SCFD2: variants seen among roughly 807,000 people sequenced by gnomAD.
The protein encoded by SCFD2 is sec1 family domain-containing protein 2.
A neutral mutation model predicts 58.9 loss-of-function variants in SCFD2; 54 were observed. That is an observed-to-expected ratio of 0.92 (90% confidence interval 0.74 to 1.15). The LOEUF (loss-of-function observed/expected upper bound fraction) is 1.15, where lower values mean the gene tolerates loss of function less well. Among genes scored for constraint, SCFD2 ranks in the 50% most tolerant of loss-of-function variants. The pLI is 0.00. For missense variants in SCFD2, 805 were observed against 836.6 expected (o/e 0.96, Z 0.47); for synonymous variants, 321 against 335.9 (o/e 0.96, Z 0.49).
intron 3 of SCFD2, among the ~76,000 whole-genome samples, chr4:53,299,990 A>C (rs1223352731): frequency 1.3e-5 from 2 of 152,220 alleles, no homozygotes; most frequent in Non-Finnish European, 2.9e-5. Context: ...GCCACTGCAA[A>C]AACATGCAAA....
At chr4:53,216,906 C>T (rs1479283958) in intron 4 of SCFD2, among the ~76,000 whole-genome samples, 3 of 152,242 alleles carry the variant, frequency 2.0e-5, no homozygotes, top group East Asian at 1.9e-4. Context: ...GTTATGTACC[C>T]AGTAGTCATT....
At chr4:53,088,128 A>G (rs1420568033) in intron 5 of SCFD2, among the ~76,000 whole-genome samples, 2 of 152,258 alleles carry the variant, frequency 1.3e-5, no homozygotes, top group Admixed American at 1.3e-4. Context: ...GCAAAACAAG[A>G]TAACAGTAAA....
chr4:52,982,594 T>C (rs149840896), intron 5 of SCFD2, among the ~76,000 whole-genome samples: 1 of 152,354 alleles, frequency 6.6e-6, no homozygotes, highest in East Asian at 1.9e-4. Context: ...TGATAGCTTA[T>C]TGTTTGGATG....
intron 6 of SCFD2, among the ~76,000 whole-genome samples, chr4:52,920,347 T>A (rs547538245): frequency 7.2e-5 from 11 of 152,366 alleles, no homozygotes; most frequent in African/African-American, 2.6e-4. Context: ...TTCAAAATGT[T>A]TACGGACTGG....
chr4:53,123,126 T>C (rs1413848014), intron 5 of SCFD2, among the ~76,000 whole-genome samples: 1 of 152,204 alleles, frequency 6.6e-6, no homozygotes, highest in Non-Finnish European at 1.5e-5. Context: ...TTTCAATGAA[T>C]AGCATGCTGG....
Position 53,198,946 on chromosome 4 carries a change from C to CA in SCFD2, c.1312-53365dup, listed in dbSNP as rs377086548. The stretch of plus-strand genomic sequence containing the variant: ...CGTCCAAAAGAGCTTGTGACAGTTA[C>CA]AACAAAGTAATTCACTAATGGAAGA... On this transcript the variant is annotated intron_variant, in intron 4 of 8. Transcript: ENST00000401642. Among the ~76,000 whole-genome samples, 307 of 152,144 alleles carry CA rather than the reference C, an allele frequency of 2.0e-3. 1 individual carries two copies. The highest frequency in any genetic ancestry group is 7.1e-3 in the African/African-American group (294 of 41,522).
chr4:53,251,460 T>G (rs1172152650), intron 4 of SCFD2, among the ~76,000 whole-genome samples: 2 of 152,158 alleles, frequency 1.3e-5, no homozygotes, highest in Non-Finnish European at 2.9e-5. Flanking sequence ...ATATCCTTGA[T>G]GAACATTGAT....
chr4:53,358,519 C>CTCCA (rs780711993), intron 1 of SCFD2, among the ~76,000 whole-genome samples: 83 of 149,934 alleles, frequency 5.5e-4, no homozygotes, highest in Non-Finnish European at 8.6e-4. Flanking sequence ...TGCCATTGCA[C>CTCCA]TCCAGCCTGG....
intron 4 of SCFD2, among the ~76,000 whole-genome samples, chr4:53,244,900 C>CACAATTAGAAAGA (rs76776755): frequency 0.056 from 8,484 of 151,182 alleles, 302 homozygotes; most frequent in Middle Eastern, 0.12. Flanking sequence ...TTCAAATATA[C>CACAATTAGAAAGA]ACAATTAGAA....
intron 5 of SCFD2, among the ~76,000 whole-genome samples, chr4:53,036,503 C>T (rs1722763541): frequency 6.6e-6 from 1 of 151,658 alleles, no homozygotes; most frequent in African/African-American, 2.4e-5. Context: ...CCCTGGAATA[C>T]TATGCATCCA....
chr4:53,220,908 A>C (rs1216818788), intron 4 of SCFD2, among the ~76,000 whole-genome samples: 1 of 152,222 alleles, frequency 6.6e-6, no homozygotes, highest in Non-Finnish European at 1.5e-5. Flanking sequence ...CCTTCCAATA[A>C]AGCTAAACAA....
At chr4:53,255,868 G>A (rs1189411775) in intron 4 of SCFD2, among the ~76,000 whole-genome samples, 4 of 148,616 alleles carry the variant, frequency 2.7e-5, no homozygotes, top group Non-Finnish European at 4.5e-5. Flanking sequence ...CATCCCGGAC[G>A]GGGCGGCTGG....
intron 4 of SCFD2, among the ~76,000 whole-genome samples, chr4:53,213,350 C>A (rs1034864446): frequency 1.3e-5 from 2 of 152,134 alleles, no homozygotes; most frequent in African/African-American, 2.4e-5. Context: ...AACTCGAAAA[C>A]CTTCTTTGTA....
At chr4:53,139,492 G>A (rs1417544752) in intron 5 of SCFD2, among the ~76,000 whole-genome samples, 1 of 126,820 alleles carries the variant, frequency 7.9e-6, no homozygotes, top group African/African-American at 2.6e-5. Context: ...CTGACCGGCC[G>A]CCCAGTCTGA....
intron 3 of SCFD2, among the ~76,000 whole-genome samples, chr4:53,282,774 A>T (rs1419931970): frequency 6.6e-6 from 1 of 152,156 alleles, no homozygotes; most frequent in South Asian, 2.1e-4. Context: ...CAATAATTGA[A>T]CTCTGTTTTT....
chr4:53,106,791 G>A (rs1309067354), intron 5 of SCFD2, among the ~76,000 whole-genome samples: 2 of 152,142 alleles, frequency 1.3e-5, no homozygotes, highest in Non-Finnish European at 2.9e-5. Flanking sequence ...AACCAAGTTG[G>A]AAAACACTGT....
chr4:53,010,414 G>A (rs1020507150), intron 5 of SCFD2, among the ~76,000 whole-genome samples: 2 of 152,116 alleles, frequency 1.3e-5, no homozygotes, highest in African/African-American at 4.8e-5. Flanking sequence ...GCAATGACAA[G>A]AACAGTCTAG....
chr4:53,365,662 A>G lies in SCFD2; in HGVS notation c.280T>C (p.Cys94Arg). ...RTVEILRDIICRSHFQYCVVV... is the reference protein window; with the variant it reads ...RTVEILRDIIRRSHFQYCVVV... ...ACACAATACTGGAAGTGACTGCGGC[A>G]GATGATGTCCCGTAGGATCTCCACG... Residue 94 changes from cysteine (C) to arginine (R), a missense_variant, in exon 1 of 9, where the codon TGC becomes CGC. By Grantham distance (180) the Cys-to-Arg change is radical. Around this residue, in one of 3 missense-constraint regions of SCFD2, gnomAD observed 155 missense variants for 149.7 expected, o/e 1.04. Transcript: ENST00000401642. The surrounding 1 kb of genome is among the most constrained non-coding windows in gnomAD (Gnocchi z 4.3). 6.2e-7 allele frequency: 1 copy of G among 1,614,228 alleles called. No homozygotes were observed. The highest frequency in any genetic ancestry group is 1.3e-5 in the African/African-American group (1 of 75,064).
chr4:53,317,178 C>T (rs1425687344), intron 2 of SCFD2, among the ~76,000 whole-genome samples: 1 of 151,866 alleles, frequency 6.6e-6, no homozygotes, highest in Non-Finnish European at 1.5e-5. Context: ...CTGTCCTAAA[C>T]AGTTTTCTAA....
Sources: allele counts gnomAD v4.1 joint callset (sites outside exome capture counted in the v4.1 genomes callset), GRCh38; gene constraint gnomAD v4.1.1; regional missense constraint gnomAD v4.1.1; non-coding constraint Gnocchi (gnomAD v3.1); transcripts MANE v1.5; gene names NCBI Gene and HGNC (gene_info 2026-07-23, HGNC 2026-07-21).